The following FCHSD2 variants were observed in gnomAD, a reference collection of about 807,000 sequenced individuals.
FCHSD2 encodes F-BAR and double SH3 domains protein 2.
Under a neutral mutation model 108.1 loss-of-function variants are expected in FCHSD2, and 38 were observed. That is an observed-to-expected ratio of 0.35 (90% confidence interval 0.27 to 0.46). FCHSD2 has a LOEUF of 0.46. FCHSD2 is among the 20% of genes least tolerant of loss of function. The pLI is 1.00. For synonymous variants in FCHSD2, 279 were observed against 314.7 expected (o/e 0.89, Z 1.20); for missense variants, 751 against 897.8 (o/e 0.84, Z 2.09).
Position 73,001,081 on chromosome 11 carries a change from T to G in FCHSD2, c.296A>C (p.Gln99Pro), listed in dbSNP as rs1431239847. ...SFLEGTMQVAQSRMNICENYK... is the reference protein window; with the variant it reads ...SFLEGTMQVAPSRMNICENYK... ...GTTTTCACATATATTCATCCGAGAC[T>G]GGGCTACCTGCATTGTTCCCTCGAG... is the stretch of plus-strand genomic sequence containing the variant. The change falls in exon 5 of 20, where the codon CAG (glutamine) becomes CCG (proline). Residue 99 changes from glutamine (Q) to proline (P), a missense_variant. Coordinates refer to ENST00000409418, the MANE Select transcript of FCHSD2 (RefSeq NM_014824.3). 1 of 1,613,064 alleles carries G rather than the reference T, an allele frequency of 6.2e-7. No homozygotes were observed. The highest frequency in any genetic ancestry group is 8.5e-7 in the Non-Finnish European group (1 of 1,179,406).
At chr11:72,862,320 G>C (rs1861595262) in intron 13 of FCHSD2, among the ~76,000 whole-genome samples, 1 of 152,164 alleles carries the variant, frequency 6.6e-6, no homozygotes, top group Non-Finnish European at 1.5e-5. Context: ...TTTATTTGCA[G>C]GTGACACGGT....
rs78061964 is a variant in FCHSD2 at position 72,923,520 on chromosome 11, G to A, written c.706-1570C>T. Among the ~76,000 whole-genome samples the A allele has an allele frequency of 5.8e-3, 884 of 151,976 alleles. 4 individuals carry two copies. Among genetic ancestry groups the A allele is most frequent in the South Asian group, 0.014 (68 of 4,788 alleles). ...GAAAGCCATATTAGTGATTAGGAACGGTATATCTTTGTAGTTTTGATTTGC... is the reference window on the plus strand; with the variant it reads ...GAAAGCCATATTAGTGATTAGGAACAGTATATCTTTGTAGTTTTGATTTGC... On this transcript the variant is annotated intron_variant, in intron 8 of 19. Transcript: ENST00000409418.
At chr11:72,922,384 C>A (rs575920168) in intron 8 of FCHSD2, among the ~76,000 whole-genome samples, 1 of 152,076 alleles carries the variant, frequency 6.6e-6, no homozygotes, top group African/African-American at 2.4e-5. Flanking sequence ...TGTATATTTA[C>A]TGAACAGCAG....
At chr11:72,968,901 A>G (rs1239238298) in intron 8 of FCHSD2, among the ~76,000 whole-genome samples, 1 of 152,228 alleles carries the variant, frequency 6.6e-6, no homozygotes, top group Non-Finnish European at 1.5e-5. Flanking sequence ...ATTGGTAAAC[A>G]AAACAAAAAT....
chr11:72,937,561 T>C (rs552137553), intron 8 of FCHSD2, among the ~76,000 whole-genome samples: 46 of 152,292 alleles, frequency 3.0e-4, no homozygotes, highest in African/African-American at 1.1e-3. Flanking sequence ...TCTCTAGATG[T>C]TTCCATCTCC....
rs1266225015 is a variant in FCHSD2 at position 72,867,963 on chromosome 11, T to G, written c.1210A>C (p.Thr404Pro). The change falls in exon 13 of 20, where the codon ACA becomes CCA. Residue 404 changes from threonine to proline, a missense_variant. By Grantham distance (38) the Thr-to-Pro change is conservative (BLOSUM62 -1). Transcript: ENST00000409418. ...LLKQIGVSVD[T>P]WLKSAMNQVM... is the part of the protein sequence containing the mutation. ...TGGTTCATGGCACTCTTTAGCCATG[T>G]GTCCACAGAAACACCAATCTGCTTT... The G allele has an allele frequency of 6.3e-7, 1 of 1,592,774 alleles. No homozygotes were observed. Among genetic ancestry groups the G allele is most frequent in the Admixed American group, 1.8e-5 (1 of 55,486 alleles).
chr11:72,975,271 A>C (rs1009685685), intron 8 of FCHSD2, among the ~76,000 whole-genome samples: 2 of 152,224 alleles, frequency 1.3e-5, no homozygotes, highest in African/African-American at 4.8e-5. Flanking sequence ...TAGTGCTATA[A>C]GACATCTCTT....
intron 8 of FCHSD2, among the ~76,000 whole-genome samples, chr11:72,964,857 T>C (rs1856876847): frequency 6.6e-6 from 1 of 150,630 alleles, no homozygotes; most frequent in Non-Finnish European, 1.5e-5. Context: ...TGGCAGGATC[T>C]CGGCTCACTG....
chr11:72,952,260 C>G (rs1440120815), intron 8 of FCHSD2, among the ~76,000 whole-genome samples: 7 of 151,744 alleles, frequency 4.6e-5, no homozygotes, highest in Non-Finnish European at 1.0e-4. Flanking sequence ...GTATTAGTCT[C>G]TAGTATTTTT....
chr11:73,006,052 C>T (rs1321997149), intron 4 of FCHSD2, among the ~76,000 whole-genome samples: 1 of 151,790 alleles, frequency 6.6e-6, no homozygotes, highest in Non-Finnish European at 1.5e-5. Flanking sequence ...GGCCTACAGG[C>T]ATGAGCCACT....
intron 6 of FCHSD2, 138 bp downstream of exon 6, chr11:72,988,826 G>C (rs1857357532): frequency 3.5e-6 from 2 of 574,442 alleles, no homozygotes; most frequent in Non-Finnish European, 5.8e-6. Context: ...GTGACCTAAA[G>C]TATATAACAC....
intron 13 of FCHSD2, among the ~76,000 whole-genome samples, chr11:72,855,279 A>AAAACAAACAAAC (rs201512091): frequency 1.9e-4 from 29 of 151,098 alleles, no homozygotes; most frequent in Non-Finnish European, 3.5e-4. Context: ...CTCCGTCTCA[A>AAAACAAACAAAC]AAACAAACAA....
chr11:73,120,025 A>T (rs1016747562), intron 2 of FCHSD2, among the ~76,000 whole-genome samples: 2 of 151,726 alleles, frequency 1.3e-5, no homozygotes, highest in Non-Finnish European at 2.9e-5. Flanking sequence ...GCAGAAGGCA[A>T]AGAGGGAATG....
At chr11:72,889,257 G>A (rs577636492) in intron 11 of FCHSD2, among the ~76,000 whole-genome samples, 1 of 152,128 alleles carries the variant, frequency 6.6e-6, no homozygotes, top group South Asian at 2.1e-4. Context: ...CACCGCGCCC[G>A]GCTATAATTA....
At position 72,931,187 on chromosome 11, in the gene FCHSD2, C is replaced by T. The variant is rs1163562033; in HGVS notation, c.706-9237G>A. On this transcript the variant is annotated intron_variant, in intron 8 of 19. Transcript: ENST00000409418. ...CAGGCTCACTGCAACCTCTGCCTCCCGGGTTCAAGTGATTCTCCTGGCTCA... is the reference window on the plus strand; with the variant it reads ...CAGGCTCACTGCAACCTCTGCCTCCTGGGTTCAAGTGATTCTCCTGGCTCA... Among the ~76,000 whole-genome samples, 8 of 149,642 alleles carry T rather than the reference C, an allele frequency of 5.3e-5. No individual in the cohort carries two copies. The South Asian group carries it at 1.1e-3, about 20-fold the overall frequency.
At chr11:72,865,334 T>C (rs538951833) in intron 13 of FCHSD2, among the ~76,000 whole-genome samples, 1 of 152,202 alleles carries the variant, frequency 6.6e-6, no homozygotes, top group Non-Finnish European at 1.5e-5. Flanking sequence ...ATTAAGCTAT[T>C]TTGTGCCTAT....
intron 8 of FCHSD2, chr11:72,941,137 T>C (rs1384520635): frequency 2.1e-6 from 1 of 471,214 alleles, no homozygotes; most frequent in African/African-American, 1.9e-5. Flanking sequence ...GTAAAATTCA[T>C]ACCTCATAAT....
chr11:72,959,392 G>GC (rs1221121594), intron 8 of FCHSD2, among the ~76,000 whole-genome samples: 1 of 148,726 alleles, frequency 6.7e-6, no homozygotes, highest in Non-Finnish European at 1.5e-5. Flanking sequence ...ACCATGCCCG[G>GC]CTATTTTTTT....
At chr11:73,042,406 C>T (rs1294565042) in intron 3 of FCHSD2, among the ~76,000 whole-genome samples, 1 of 152,150 alleles carries the variant, frequency 6.6e-6, no homozygotes, top group Non-Finnish European at 1.5e-5. Flanking sequence ...TAATCCATCC[C>T]ATTGTTCTAT....
Sources: gnomAD v4.1 joint callset for allele counts (sites outside exome capture counted in the v4.1 genomes callset) on GRCh38, gnomAD v4.1.1 for gene constraint, MANE v1.5 for transcripts, NCBI Gene and HGNC (gene_info 2026-07-23, HGNC 2026-07-21) for gene names.